GSTCD: variants seen among roughly 807,000 people sequenced by gnomAD.
The protein encoded by GSTCD is glutathione S-transferase C-terminal domain-containing protein.
GSTCD carries 44 observed loss-of-function variants against 68.3 expected under a neutral mutation model. That is an observed-to-expected ratio of 0.64 (90% CI 0.51 to 0.83). GSTCD has a LOEUF of 0.83. GSTCD is among the 40% of genes least tolerant of loss of function. The pLI, the probability that GSTCD is intolerant of heterozygous loss-of-function variation, is 0.00. For missense variants in GSTCD, 739 were observed against 735.9 expected (o/e 1.00, Z -0.05); for synonymous variants, 273 against 255.2 (o/e 1.07, Z -0.67).
chr4:105,743,753 G>T (rs1733714200), intron 5 of GSTCD, among the ~76,000 whole-genome samples: 1 of 142,124 alleles, frequency 7.0e-6, no homozygotes, highest in African/African-American at 2.7e-5. Flanking sequence ...CCCCCTCCCA[G>T]ATTCACGCTG....
intron 5 of GSTCD, among the ~76,000 whole-genome samples, chr4:105,822,037 C>T (rs1723319477): frequency 6.6e-6 from 1 of 151,830 alleles, no homozygotes; most frequent in South Asian, 2.1e-4. Context: ...AATTTTTTAT[C>T]AAACCAAAAA....
At position 105,712,253 on chromosome 4, in the gene GSTCD, G is replaced by A. The variant is rs575935692; in HGVS notation, c.-22+3237G>A. Among the ~76,000 whole-genome samples, 28 of 152,306 alleles carry A rather than the reference G, an allele frequency of 1.8e-4. 1 individual carries two copies. In the South Asian group the frequency reaches 4.6e-3, roughly 25 times the overall value. On this transcript the variant is annotated intron_variant, in intron 1 of 11. Transcript: ENST00000515279. The stretch of plus-strand genomic sequence containing the variant: ...GTGCTTTTTCAATTCAGGCAGTCAG[G>A]AGAGGCTGTTCTGAGTTAATATTTA...
intron 5 of GSTCD, among the ~76,000 whole-genome samples, chr4:105,736,466 T>G (rs895443117): frequency 3.3e-5 from 5 of 152,086 alleles, no homozygotes; most frequent in Admixed American, 2.0e-4. Flanking sequence ...ATATTTGTTA[T>G]TTTTTCATTG....
At chr4:105,742,317 C>T (rs1193060151) in intron 5 of GSTCD, among the ~76,000 whole-genome samples, 5 of 152,126 alleles carry the variant, frequency 3.3e-5, no homozygotes, top group Admixed American at 3.3e-4. Flanking sequence ...ACATGTCTTT[C>T]CTTTTTTCTT....
intron 5 of GSTCD, among the ~76,000 whole-genome samples, chr4:105,793,958 T>C (rs1735773531): frequency 6.6e-6 from 1 of 152,040 alleles, no homozygotes; most frequent in South Asian, 2.1e-4. Flanking sequence ...TATGAAATAA[T>C]TTGAGAACAT....
At chr4:105,804,233 G>T (rs1295644078) in intron 5 of GSTCD, among the ~76,000 whole-genome samples, 1 of 151,892 alleles carries the variant, frequency 6.6e-6, no homozygotes, top group Non-Finnish European at 1.5e-5. Context: ...CAGGAAGCTT[G>T]CTTTTAAAAT....
chr4:105,729,499 G>C lies in GSTCD; in HGVS notation c.1240G>C (p.Gly414Arg). ...CCCTGCAGCAGTCAGCCCAAAGGAAGGTGAGTTTTCTTTTTTCTTTAAGTT... is the reference window on the plus strand; with the variant it reads ...CCCTGCAGCAGTCAGCCCAAAGGAACGTGAGTTTTCTTTTTTCTTTAAGTT... ...VLPAAVSPKEGKMSSDRALRK... is the reference protein window; with the variant it reads ...VLPAAVSPKERKMSSDRALRK... Residue 414 changes from glycine to arginine, a missense_variant and splice_region_variant, in exon 5 of 12, where the codon GGT becomes CGT. Transcript: ENST00000515279. 1 of 1,604,510 alleles carries C rather than the reference G, an allele frequency of 6.2e-7. No individual in the cohort carries two copies. Among genetic ancestry groups the C allele is most frequent in the Non-Finnish European group, 8.5e-7 (1 of 1,173,574 alleles).
At chr4:105,792,456 C>G (rs1371944213) in intron 5 of GSTCD, among the ~76,000 whole-genome samples, 4 of 151,936 alleles carry the variant, frequency 2.6e-5, no homozygotes, top group African/African-American at 9.7e-5. Flanking sequence ...AAGAAGCAAC[C>G]TAGGATTAGG....
At chr4:105,836,577 C>A (rs1458409699) in intron 9 of GSTCD, among the ~76,000 whole-genome samples, 1 of 152,096 alleles carries the variant, frequency 6.6e-6, no homozygotes, top group Non-Finnish European at 1.5e-5. Context: ...CCCTCAGTAC[C>A]CCCTTGGTGT....
chr4:105,825,880 A>AT (rs1723579602), intron 8 of GSTCD, 80 bp downstream of exon 8: 1 of 862,028 alleles, frequency 1.2e-6, no homozygotes, highest in African/African-American at 1.7e-5. Flanking sequence ...AAAAAAGATA[A>AT]TTTTGTGTTC....
chr4:105,730,390 T>C lies in GSTCD; in HGVS notation c.1240+891T>C, dbSNP rs996363599. On this transcript the variant is annotated intron_variant, in intron 5 of 11. Transcript: ENST00000515279. ...TAAAAGTGTTCCTATTTCTCCACAT[T>C]GTATCCAGCACCTGTTGTTTCTTGA... Among the ~76,000 whole-genome samples the C allele has an allele frequency of 1.2e-4, 18 of 152,224 alleles. No homozygotes were observed. In the South Asian group the frequency reaches 2.9e-3, roughly 25 times the overall value.
At chr4:105,834,066 C>T (rs190172555) in intron 8 of GSTCD, among the ~76,000 whole-genome samples, 1 of 152,246 alleles carries the variant, frequency 6.6e-6, no homozygotes, top group Non-Finnish European at 1.5e-5. Flanking sequence ...AGCATTGTGA[C>T]ATGTCATATT....
intron 5 of GSTCD, among the ~76,000 whole-genome samples, chr4:105,743,172 G>A (rs779770839): frequency 1.7e-4 from 26 of 151,958 alleles, no homozygotes; most frequent in East Asian, 1.5e-3. Context: ...GGATGGTCTC[G>A]ATCTCCTGAC....
chr4:105,806,932 G>A (rs768042338), intron 5 of GSTCD, among the ~76,000 whole-genome samples: 9 of 152,076 alleles, frequency 5.9e-5, no homozygotes, highest in Middle Eastern at 3.4e-3. Context: ...CAATCAGATA[G>A]CAAAAATTCT....
At chr4:105,756,951 A>G (rs1479133446) in intron 5 of GSTCD, among the ~76,000 whole-genome samples, 1 of 152,176 alleles carries the variant, frequency 6.6e-6, no homozygotes, top group African/African-American at 2.4e-5. Flanking sequence ...CACTTACAGC[A>G]TCTATGCAAA....
At chr4:105,750,133 T>C (rs1452167350) in intron 5 of GSTCD, among the ~76,000 whole-genome samples, 3 of 152,288 alleles carry the variant, frequency 2.0e-5, no homozygotes, top group African/African-American at 4.8e-5. Context: ...TAATGAGATA[T>C]TACTACACAC....
chr4:105,739,485 T>C (rs1205241696), intron 5 of GSTCD, among the ~76,000 whole-genome samples: 1 of 152,188 alleles, frequency 6.6e-6, no homozygotes, highest in Non-Finnish European at 1.5e-5. Flanking sequence ...AGCCATCAGG[T>C]CCTAAGCTTT....
intron 5 of GSTCD, among the ~76,000 whole-genome samples, chr4:105,770,515 C>G (rs1209729152): frequency 2.0e-5 from 3 of 152,084 alleles, no homozygotes; most frequent in Non-Finnish European, 1.5e-5. Flanking sequence ...AATGCTATCC[C>G]TCCTCTATTC....
chr4:105,754,290 A>G (rs1332374886), intron 5 of GSTCD, among the ~76,000 whole-genome samples: 1 of 152,182 alleles, frequency 6.6e-6, no homozygotes, highest in Non-Finnish European at 1.5e-5. Flanking sequence ...GCACTTAAAC[A>G]ATACAGTTGT....
Sources: gnomAD v4.1 joint callset for allele counts (sites outside exome capture counted in the v4.1 genomes callset) on GRCh38, gnomAD v4.1.1 for gene constraint, MANE v1.5 for transcripts, NCBI Gene and HGNC (gene_info 2026-07-23, HGNC 2026-07-21) for gene names.